Variants in CLMP observed in about 807,000 individuals in gnomAD.
The protein encoded by CLMP is CXADR like cell adhesion molecule.
Under a neutral mutation model 45.2 loss-of-function variants are expected in CLMP, and 27 were observed. The observed-to-expected ratio is 0.60, with a 90% confidence interval of 0.44 to 0.82. The LOEUF is 0.82. Ranked by LOEUF, CLMP falls within the 40% of genes least tolerant of loss-of-function variation. The probability of loss-of-function intolerance (pLI) is 0.00; values close to 1 mark genes in which losing one functional copy is unlikely to be tolerated. For synonymous variants in CLMP, 167 were observed against 171.4 expected, an observed-to-expected ratio of 0.97 and a Z score of 0.20; for missense variants, 403 against 448.4, an observed-to-expected ratio of 0.90 and a Z score of 0.91.
chr11:123,106,968 C>G (rs993897177), intron 1 of CLMP, among the ~76,000 whole-genome samples: 2 of 150,024 alleles, frequency 1.3e-5, no homozygotes, highest in African/African-American at 4.9e-5. Context: ...TGCAGTGAGC[C>G]GGATTGAGCC....
In CLMP at chr11:123,101,218, C is replaced by T. The variant is rs573459161; in HGVS notation, c.29-3266G>A. Among the ~76,000 whole-genome samples, 4 of 152,326 alleles carry T rather than the reference C, an allele frequency of 2.6e-5. No homozygotes were observed. In the South Asian group the frequency reaches 8.3e-4, roughly 32 times the overall value. On this transcript the variant is annotated intron_variant, in intron 1 of 6. Transcript: ENST00000448775. ...CTGCCTCCTGGGTTCAAGGCATTCT[C>T]CTGTCTCAGTCTCTGGAGTAGCTGG...
chr11:123,074,754 G>T lies in CLMP; in HGVS notation c.769C>A (p.Arg257=), dbSNP rs748753828. ...LIFLLVWLLI[R]RKDKERYEEE... is the part of the protein sequence containing the mutation. The stretch of plus-strand genomic sequence containing the variant: ...TCATATCTTTCTTTGTCTTTCCTTC[G>T]GATTAGCAGCCACACCAAGAGGAAA... The change falls in exon 6 of 7, where the codon CGA becomes AGA. Residue 257 remains arginine (R), a synonymous_variant. Transcript: ENST00000448775. 6.2e-7 allele frequency: 1 copy of T among 1,614,018 alleles called. No homozygotes were observed. Among genetic ancestry groups the T allele is most frequent in the East Asian group, 2.2e-5 (1 of 44,870 alleles).
intron 1 of CLMP, among the ~76,000 whole-genome samples, chr11:123,151,457 C>A (rs1451747854): frequency 1.3e-5 from 2 of 152,176 alleles, no homozygotes; most frequent in South Asian, 4.1e-4. Context: ...ATTCACCTGC[C>A]CACTCATTCA....
chr11:123,103,700 T>C lies in CLMP; in HGVS notation c.29-5748A>G, dbSNP rs527782855. 9.9e-5 allele frequency among the ~76,000 whole-genome samples: 15 copies of C among 151,406 alleles called. No individual in the cohort carries two copies. The South Asian group carries it at 1.0e-3, about 10-fold the overall frequency. ...GGTCCTTCTCCTTCTGTCCCTTTTT[T>C]TTTCTTTCTTTCTTTCTTTTTTTTT... On this transcript the variant is annotated intron_variant, in intron 1 of 6. Coordinates refer to ENST00000448775, the MANE Select transcript of CLMP (RefSeq NM_024769.5).
At chr11:123,167,498 G>T (rs939092915) in intron 1 of CLMP, among the ~76,000 whole-genome samples, 2 of 152,074 alleles carry the variant, frequency 1.3e-5, no homozygotes, top group Admixed American at 1.3e-4. Context: ...TGTTAACCAG[G>T]ATGGTCTCGA....
intron 1 of CLMP, among the ~76,000 whole-genome samples, chr11:123,106,432 C>CGT (rs1860557415): frequency 2.1e-5 from 2 of 96,378 alleles, no homozygotes; most frequent in African/African-American, 8.9e-5. Context: ...TGTGCGCGCG[C>CGT]GCGCGCGCAC....
chr11:123,152,218 G>A (rs528556213), intron 1 of CLMP, among the ~76,000 whole-genome samples: 7 of 152,162 alleles, frequency 4.6e-5, no homozygotes, highest in African/African-American at 1.7e-4. Flanking sequence ...TATGTTCACT[G>A]CCCAGCTAAA....
chr11:123,119,962 C>T (rs1860790580), intron 1 of CLMP, among the ~76,000 whole-genome samples: 1 of 152,188 alleles, frequency 6.6e-6, no homozygotes, highest in African/African-American at 2.4e-5. Flanking sequence ...GCTGGAATTA[C>T]AGGTGTGAGC....
chr11:123,162,202 C>T (rs1861496281), intron 1 of CLMP, among the ~76,000 whole-genome samples: 1 of 152,176 alleles, frequency 6.6e-6, no homozygotes, highest in South Asian at 2.1e-4. Context: ...ACAGGAAGAT[C>T]TCTCAGAGGA....
chr11:123,147,081 T>C (rs1426323037), intron 1 of CLMP, among the ~76,000 whole-genome samples: 2 of 152,230 alleles, frequency 1.3e-5, no homozygotes, highest in Non-Finnish European at 2.9e-5. Context: ...AAATGGACTC[T>C]TTGCCTTCAG....
chr11:123,181,229 C>T (rs931113985), intron 1 of CLMP, among the ~76,000 whole-genome samples: 27 of 152,174 alleles, frequency 1.8e-4, no homozygotes, highest in African/African-American at 6.3e-4. Flanking sequence ...CGCCACACAG[C>T]CTGAGAAGGT....
intron 5 of CLMP, among the ~76,000 whole-genome samples, chr11:123,078,745 C>T (rs900117302): frequency 1.3e-5 from 2 of 149,896 alleles, no homozygotes; most frequent in African/African-American, 2.5e-5. Context: ...CCCGGGTTCA[C>T]ACCATTCTCC....
At chr11:123,095,198 G>A (rs11218979) in intron 2 of CLMP, among the ~76,000 whole-genome samples, 3,144 of 152,222 alleles carry the variant, frequency 0.021, 103 homozygotes, top group East Asian at 0.17. Flanking sequence ...ATATTCACTT[G>A]GCTATATAAC....
chr11:123,114,736 T>C (rs1014358647), intron 1 of CLMP, among the ~76,000 whole-genome samples: 4 of 152,170 alleles, frequency 2.6e-5, no homozygotes, highest in Admixed American at 1.3e-4. Context: ...TGAGGACTTA[T>C]TATGTGCAAA....
intron 1 of CLMP, among the ~76,000 whole-genome samples, chr11:123,188,626 A>G (rs1861864110): frequency 1.3e-5 from 2 of 152,170 alleles, no homozygotes; most frequent in South Asian, 2.1e-4. Flanking sequence ...CACAAAGGAA[A>G]CAGCTTTCTC....
Position 123,194,969 on chromosome 11 carries a change from G to T in CLMP, c.-29C>A, listed in dbSNP as rs1240977313. 8 of 1,609,752 alleles carry T rather than the reference G, an allele frequency of 5.0e-6. No individual in the cohort carries two copies. Among genetic ancestry groups the T allele is most frequent in the South Asian group, 1.1e-5 (1 of 90,762 alleles). On this transcript the variant is annotated 5_prime_UTR_variant, in exon 1 of 7. Coordinates refer to ENST00000448775, the MANE Select transcript of CLMP (RefSeq NM_024769.5). ...GATCCCCGGACGCGGGCGCTTCCCC[G>T]CTCAGCTGCTGCTTGGCTCCGGGGC...
chr11:123,126,367 T>A (rs996709962), intron 1 of CLMP, among the ~76,000 whole-genome samples: 4 of 152,218 alleles, frequency 2.6e-5, no homozygotes, highest in Non-Finnish European at 4.4e-5. Flanking sequence ...GGGAAGTTCA[T>A]CTGAAAATAT....
intron 1 of CLMP, among the ~76,000 whole-genome samples, chr11:123,193,543 C>G (rs1861936453): frequency 6.6e-6 from 1 of 152,166 alleles, no homozygotes; most frequent in African/African-American, 2.4e-5. Context: ...GAAAATAACC[C>G]CTCCCCACCT....
intron 1 of CLMP, among the ~76,000 whole-genome samples, chr11:123,110,616 A>G (rs558238589): frequency 1.3e-5 from 2 of 152,172 alleles, no homozygotes; most frequent in South Asian, 4.1e-4. Context: ...GAAACTTCTC[A>G]AAGAAAAAAA....
Sources: allele counts gnomAD v4.1 joint callset (sites outside exome capture counted in the v4.1 genomes callset), GRCh38; gene constraint gnomAD v4.1.1; transcripts MANE v1.5; gene names NCBI Gene and HGNC (gene_info 2026-07-23, HGNC 2026-07-21).